The following RIC8B variants were observed in gnomAD, a reference collection of about 807,000 sequenced individuals.
RIC8B encodes the protein RIC8 guanine nucleotide exchange factor B, also known as chaperone Ric-8B.
Under a neutral mutation model 57.5 loss-of-function variants are expected in RIC8B, and 16 were observed. The observed-to-expected ratio is 0.28, with a 90% CI of 0.19 to 0.42. The LOEUF is 0.42. Ranked by LOEUF, RIC8B falls within the 10% of genes least tolerant of loss-of-function variation. RIC8B has a pLI of 1.00. For synonymous variants in RIC8B, 216 were observed against 250.8 expected, an observed-to-expected ratio of 0.86 and a Z score of 1.31; for missense variants, 481 against 677.0, an observed-to-expected ratio of 0.71 and a Z score of 3.21.
At chr12:106,782,362 T>G (rs2043805693) in intron 1 of RIC8B, among the ~76,000 whole-genome samples, 1 of 152,114 alleles carries the variant, frequency 6.6e-6, no homozygotes, top group Non-Finnish European at 1.5e-5. Context: ...CCAAATCACT[T>G]TCTCTTTTAA....
intron 8 of RIC8B, among the ~76,000 whole-genome samples, chr12:106,861,869 A>G (rs1219137049): frequency 1.3e-5 from 2 of 152,106 alleles, no homozygotes; most frequent in Non-Finnish European, 2.9e-5. Flanking sequence ...ACATTCAACT[A>G]TGATAGAAAA....
At chr12:106,776,149 GTCCAAC>G (rs1330949752) in intron 1 of RIC8B, among the ~76,000 whole-genome samples, 6 of 152,156 alleles carry the variant, frequency 3.9e-5, no homozygotes, top group Non-Finnish European at 8.8e-5. Context: ...AATTTACGTT[GTCCAAC>G]TCCAAGTCCA....
chr12:106,824,698 C>T, intron 3 of RIC8B, among the ~76,000 whole-genome samples: 1 of 151,806 alleles, frequency 6.6e-6, no homozygotes, highest in Non-Finnish European at 1.5e-5. Flanking sequence ...GAGTTCAAGA[C>T]CAGCCTGGCC....
At chr12:106,840,082 A>G (rs1342563055) in intron 4 of RIC8B, among the ~76,000 whole-genome samples, 2 of 152,212 alleles carry the variant, frequency 1.3e-5, no homozygotes, top group South Asian at 2.1e-4. Flanking sequence ...ATTCGTTTAC[A>G]TAGACTTTAC....
intron 4 of RIC8B, 147 bp from the exon 5 acceptor site, chr12:106,842,442 A>G: frequency 5.1e-6 from 3 of 590,974 alleles, no homozygotes; most frequent in Non-Finnish European, 8.9e-6. Context: ...TCTCATAGTA[A>G]GTGTCAAGTG....
chr12:106,819,131 A>G (rs1046569625), intron 3 of RIC8B, among the ~76,000 whole-genome samples: 6 of 152,198 alleles, frequency 3.9e-5, no homozygotes, highest in Non-Finnish European at 5.9e-5. Flanking sequence ...ACATTTTTAC[A>G]AAAATGCAGT....
chr12:106,856,508 T>C (rs760451289), intron 7 of RIC8B, among the ~76,000 whole-genome samples: 4 of 152,212 alleles, frequency 2.6e-5, no homozygotes, highest in African/African-American at 4.8e-5. Flanking sequence ...TTGTGAGGAA[T>C]GCTCTTCCTC....
At chr12:106,857,643 T>G (rs925276134) in intron 7 of RIC8B, among the ~76,000 whole-genome samples, 2 of 152,216 alleles carry the variant, frequency 1.3e-5, no homozygotes, top group South Asian at 4.1e-4. Context: ...TGTTTCCTTT[T>G]TATTTTAGAA....
In RIC8B at chr12:106,822,099, A is replaced by AAAG. The variant is rs1566087245; in HGVS notation, c.742-3621_742-3619dup. ...TCTCAAAAAAAAAAAAAAAAAAAAAAAAGAAGAAAAAAAAAGAAAAGCAAA... is the reference window on the plus strand; with the variant it reads ...TCTCAAAAAAAAAAAAAAAAAAAAAAAAGAAGAAGAAAAAAAAAGAAAAGCAAA... On this transcript the variant is annotated intron_variant, in intron 3 of 9. Coordinates refer to ENST00000392837, the MANE Select transcript of RIC8B (RefSeq NM_001330145.2). Among the ~76,000 whole-genome samples, 14 of 149,672 alleles carry AAAG rather than the reference A, an allele frequency of 9.4e-5. 1 individual carries two copies. The East Asian group carries it at 2.0e-3, about 21-fold the overall frequency.
intron 1 of RIC8B, among the ~76,000 whole-genome samples, chr12:106,781,953 C>T (rs957896220): frequency 5.9e-5 from 9 of 152,106 alleles, no homozygotes; most frequent in African/African-American, 1.7e-4. Flanking sequence ...TTTCACTAAA[C>T]CTCAGGTCTA....
intron 4 of RIC8B, among the ~76,000 whole-genome samples, chr12:106,832,482 G>A (rs1190580674): frequency 5.3e-5 from 8 of 151,518 alleles, no homozygotes; most frequent in African/African-American, 1.9e-4. Context: ...CCGGAGAATC[G>A]CTTGAACCTG....
intron 9 of RIC8B, among the ~76,000 whole-genome samples, chr12:106,871,778 C>T (rs1950442783): frequency 6.6e-6 from 1 of 152,100 alleles, no homozygotes; most frequent in Admixed American, 6.6e-5. Flanking sequence ...TTCACAGTAA[C>T]TGTGTAAAGG....
At chr12:106,878,830 C>A (rs1026595329) in intron 9 of RIC8B, among the ~76,000 whole-genome samples, 1 of 151,908 alleles carries the variant, frequency 6.6e-6, no homozygotes, top group Admixed American at 6.6e-5. Context: ...ATGTTCCCCC[C>A]CCCTTTTCTT....
At chr12:106,836,929 G>T (rs996078669) in intron 4 of RIC8B, among the ~76,000 whole-genome samples, 4 of 152,148 alleles carry the variant, frequency 2.6e-5, no homozygotes, top group Non-Finnish European at 5.9e-5. Flanking sequence ...CTTCAGACAT[G>T]CCACTGCTCC....
In RIC8B at chr12:106,867,832, C is replaced by T. The variant is rs762755678; in HGVS notation, c.1452-2991C>T. Among the ~76,000 whole-genome samples, 5 of 151,968 alleles carry T rather than the reference C, an allele frequency of 3.3e-5. No individual in the cohort carries two copies. Among genetic ancestry groups the T allele is most frequent in the African/African-American group, 9.7e-5 (4 of 41,384 alleles). ...TCTGTGGCTTTTGTTTACATTCTTCCGAATATCCAGGGGAAAAATGTCTTT... is the reference window on the plus strand; with the variant it reads ...TCTGTGGCTTTTGTTTACATTCTTCTGAATATCCAGGGGAAAAATGTCTTT... On this transcript the variant is annotated intron_variant, in intron 8 of 9. Coordinates refer to ENST00000392837, the MANE Select transcript of RIC8B (RefSeq NM_001330145.2). The surrounding 1 kb of genome is among the most constrained non-coding windows in gnomAD (Gnocchi z 4.3).
intron 3 of RIC8B, chr12:106,823,149 T>C: frequency 4.5e-6 from 1 of 220,448 alleles, no homozygotes; most frequent in South Asian, 7.3e-5. Flanking sequence ...ACACACACCC[T>C]CTTTCCTCAT....
intron 5 of RIC8B, 35 bp downstream of exon 5, chr12:106,842,852 C>G: frequency 1.5e-6 from 2 of 1,335,410 alleles, no homozygotes. Flanking sequence ...TGGGAAGATG[C>G]TTCCAAAGAA....
At chr12:106,873,292 T>C (rs1390066177) in intron 9 of RIC8B, 2 of 566,758 alleles carry the variant, frequency 3.5e-6, no homozygotes, top group East Asian at 2.9e-4. Context: ...GTTCAAATCA[T>C]ACAGAATTTT....
intron 4 of RIC8B, among the ~76,000 whole-genome samples, chr12:106,837,844 G>A (rs377756202): frequency 3.3e-5 from 5 of 152,118 alleles, no homozygotes; most frequent in East Asian, 1.9e-4. Flanking sequence ...GTTTTAGCAC[G>A]TTGGCCAGGC....
Sources: allele counts gnomAD v4.1 joint callset (sites outside exome capture counted in the v4.1 genomes callset), GRCh38; gene constraint gnomAD v4.1.1; non-coding constraint Gnocchi (gnomAD v3.1); transcripts MANE v1.5; gene names NCBI Gene and HGNC (gene_info 2026-07-23, HGNC 2026-07-21).